Variants in COA1 observed in about 807,000 individuals in gnomAD.
The protein encoded by COA1 is cytochrome c oxidase assembly factor 1.
A neutral mutation model predicts 16.0 loss-of-function variants in COA1; 13 were observed. The ratio of observed to expected loss-of-function variants is 0.81; its 90% CI spans 0.53 to 1.29. The LOEUF is 1.29. Among genes scored for constraint, COA1 ranks in the 50% most tolerant of loss-of-function variants. The pLI, the probability that COA1 is intolerant of heterozygous loss-of-function variation, is 0.00. For missense variants in COA1, 179 were observed against 177.0 expected (o/e 1.01, Z -0.06); for synonymous variants, 65 against 65.7 (o/e 0.99, Z 0.05).
intron 1 of COA1, among the ~76,000 whole-genome samples, chr7:43,664,831 A>G (rs1257780761): frequency 2.0e-5 from 3 of 152,210 alleles, no homozygotes. Flanking sequence ...CCCTACAAGA[A>G]TATGCTATAA....
intron 1 of COA1, among the ~76,000 whole-genome samples, chr7:43,654,140 C>T (rs1041074423): frequency 6.6e-6 from 1 of 152,048 alleles, no homozygotes; most frequent in Non-Finnish European, 1.5e-5. Flanking sequence ...GGGTTCGGCC[C>T]TTCACCTCTC....
At position 43,696,656 on chromosome 7, in the gene COA1, T is replaced by C. The variant is rs118180958; in HGVS notation, c.-39+32773A>G. ...TATGATGGTGTGTGTGTAGGCTACATCCATATATAATAAAATAAAAATAAA... is the reference window on the plus strand; with the variant it reads ...TATGATGGTGTGTGTGTAGGCTACACCCATATATAATAAAATAAAAATAAA... On this transcript the variant is annotated intron_variant, in intron 1 of 5. Coordinates refer to ENST00000223336, the MANE Select transcript of COA1 (RefSeq NM_018224.4). Among the ~76,000 whole-genome samples, 1,470 of 152,064 alleles carry C rather than the reference T, an allele frequency of 9.7e-3. 11 individuals are homozygous for C. The highest frequency in any genetic ancestry group is 0.015 in the Non-Finnish European group (1,033 of 67,994).
At chr7:43,710,375 A>AAAAAAAAAAAAT (rs761592421) in intron 1 of COA1, among the ~76,000 whole-genome samples, 1 of 36,434 alleles carries the variant, frequency 2.7e-5, no homozygotes, top group Non-Finnish European at 4.7e-5. Flanking sequence ...AAAAAAAAAA[A>AAAAAAAAAAAAT]ATATATATAT....
intron 1 of COA1, among the ~76,000 whole-genome samples, chr7:43,673,167 T>C (rs966260507): frequency 6.6e-6 from 1 of 152,184 alleles, no homozygotes; most frequent in African/African-American, 2.4e-5. Context: ...ACAAGTGAGA[T>C]CTAATTAAGC....
chr7:43,614,836 C>T (rs1216835478), intron 6 of COA1, among the ~76,000 whole-genome samples: 1 of 152,168 alleles, frequency 6.6e-6, no homozygotes, highest in Non-Finnish European at 1.5e-5. Flanking sequence ...TTAGGATTTA[C>T]AACATTACCA....
chr7:43,698,724 T>A lies in COA1; in HGVS notation c.-39+30705A>T, dbSNP rs886639434. Among the ~76,000 whole-genome samples the A allele has an allele frequency of 3.3e-5, 5 of 152,204 alleles. No individual in the cohort carries two copies. The East Asian group carries it at 9.6e-4, about 29-fold the overall frequency. The stretch of plus-strand genomic sequence containing the variant: ...GTGAATCATAAATAGCATACCATAC[T>A]TACACATGATCTTTGGTTCCCAGTT... On this transcript the variant is annotated intron_variant, in intron 1 of 5. Coordinates refer to ENST00000223336, the MANE Select transcript of COA1 (RefSeq NM_018224.4).
chr7:43,625,771 G>C (rs942576197), intron 6 of COA1: 3 of 152,034 alleles, frequency 2.0e-5, no homozygotes, highest in Non-Finnish European at 4.4e-5. Context: ...GAGAGAGAGA[G>C]AGAGAGTGTC....
chr7:43,728,420 G>C (rs911505502), intron 1 of COA1, among the ~76,000 whole-genome samples: 8 of 152,050 alleles, frequency 5.3e-5, no homozygotes, highest in Middle Eastern at 3.2e-3. Context: ...GAATTCAATC[G>C]ATTTTGGCTA....
rs771800647 is a variant in COA1, at chr7:43,619,679, ACAGTGAAGAG to A, written c.*134-10194_*134-10185del. 5.0e-6 allele frequency: 8 copies of A among 1,614,040 alleles called. No individual in the cohort carries two copies. In the South Asian group the frequency reaches 8.8e-5, roughly 18 times the overall value. On this transcript the variant is annotated intron_variant and NMD_transcript_variant, in intron 6 of 6. Transcript: ENST00000415076. Reference sequence around the variant, plus strand: ...TTTGGCCTTTCAAGAATATTGAAGAACAGTGAAGAGCTCCGAGAAATTATGGGTACCCCTG... The same window carrying A: ...TTTGGCCTTTCAAGAATATTGAAGAACTCCGAGAAATTATGGGTACCCCTG...
intron 1 of COA1, among the ~76,000 whole-genome samples, chr7:43,691,486 A>C (rs537247094): frequency 6.6e-6 from 1 of 151,718 alleles, no homozygotes; most frequent in African/African-American, 2.4e-5. Flanking sequence ...AGAAATTATC[A>C]TCAATATAAC....
chr7:43,706,066 T>A (rs1294208947), intron 1 of COA1, among the ~76,000 whole-genome samples: 1 of 152,172 alleles, frequency 6.6e-6, no homozygotes, highest in East Asian at 1.9e-4. Context: ...CCTAGCTGCC[T>A]CTAGATAGCC....
At chr7:43,653,314 AC>A (rs143333108) in intron 1 of COA1, among the ~76,000 whole-genome samples, 20,605 of 149,842 alleles carry the variant, frequency 0.14, 1,878 homozygotes, top group Non-Finnish European at 0.21. Flanking sequence ...TCCGTCTCAA[AC>A]AAACAAAAAA....
At chr7:43,658,102 C>T (rs2091988134) in intron 1 of COA1, among the ~76,000 whole-genome samples, 1 of 151,886 alleles carries the variant, frequency 6.6e-6, no homozygotes, top group African/African-American at 2.4e-5. Context: ...GAAGGCCCGG[C>T]GCTGTGGCTC....
intron 6 of COA1, chr7:43,625,832 C>T (rs2084467125): frequency 6.6e-6 from 1 of 151,908 alleles, no homozygotes; most frequent in African/African-American, 2.4e-5. Flanking sequence ...AGCCCTCAAG[C>T]TATGCTAGGA....
At chr7:43,697,553 TGGA>T (rs2094570562) in intron 1 of COA1, among the ~76,000 whole-genome samples, 2 of 152,184 alleles carry the variant, frequency 1.3e-5, no homozygotes, top group African/African-American at 4.8e-5. Context: ...CCCAAAGTGC[TGGA>T]TTAAGGTATG....
chr7:43,644,789 G>GAGAGAGAGAGAGAGAGAGAGAGA, intron 4 of COA1, among the ~76,000 whole-genome samples: 1 of 104,482 alleles, frequency 9.6e-6, no homozygotes, highest in African/African-American at 4.4e-5. Context: ...CAGGCAGGCA[G>GAGAGAGAGAGAGAGAGAGAGAGA]GCAGAGAGAC....
chr7:43,645,188 G>C, intron 4 of COA1, 63 bp downstream of exon 4: 1 of 1,541,608 alleles, frequency 6.5e-7, no homozygotes, highest in African/African-American at 1.4e-5. Context: ...CTTTCCAGGA[G>C]ACAGTAGACT....
At chr7:43,669,190 T>C (rs1013201021) in intron 1 of COA1, among the ~76,000 whole-genome samples, 1 of 152,138 alleles carries the variant, frequency 6.6e-6, no homozygotes, top group Non-Finnish European at 1.5e-5. Flanking sequence ...AGAGCAGTTA[T>C]GGTGACATCT....
In COA1 at chr7:43,627,420, T is replaced by C. The variant is rs532991985; in HGVS notation, c.*133+12029A>G. ...ACAGAACATGAATTATAGTCCTCAG[T>C]AATGTAATGGGGGTGGTGCGTGACT... On this transcript the variant is annotated intron_variant and NMD_transcript_variant, in intron 6 of 6. Transcript: ENST00000415076. 2.3e-4 allele frequency among the ~76,000 whole-genome samples: 35 copies of C among 152,286 alleles called. No individual in the cohort carries two copies. The South Asian group carries it at 4.8e-3, about 21-fold the overall frequency.
Sources: allele counts gnomAD v4.1 joint callset (sites outside exome capture counted in the v4.1 genomes callset), GRCh38; gene constraint gnomAD v4.1.1; transcripts MANE v1.5; gene names NCBI Gene and HGNC (gene_info 2026-07-23, HGNC 2026-07-21).